NHERF2: variants seen among roughly 807,000 people sequenced by gnomAD.
NHERF2 encodes NHERF family PDZ scaffold protein 2, also known as Na(+)/H(+) exchange regulatory cofactor NHE-RF2.
the NHERF2 span, among the ~76,000 whole-genome samples, chr16:2,031,083 T>C: frequency 6.6e-6 from 1 of 152,174 alleles, no homozygotes; most frequent in Non-Finnish European, 1.5e-5. Flanking sequence ...ACACATTCAC[T>C]TTCTCCCTTT....
the NHERF2 span, among the ~76,000 whole-genome samples, chr16:2,030,813 C>T: frequency 4.0e-5 from 6 of 151,864 alleles, no homozygotes; most frequent in Non-Finnish European, 5.9e-5. Context: ...TGGTGGGGCA[C>T]GCCTATAGTC....
At chr16:2,036,646 A>C in the NHERF2 span, 1 of 1,570,222 alleles carries the variant, frequency 6.4e-7, no homozygotes. Flanking sequence ...GGCTGTGATG[A>C]ATATTTGATG....
At chr16:2,036,303 C>A in the NHERF2 span, 1 of 1,592,584 alleles carries the variant, frequency 6.3e-7, no homozygotes, top group East Asian at 2.3e-5. Flanking sequence ...AAGAGACTGA[C>A]CCTGTCCGTT....
At chr16:2,037,649 C>T in the NHERF2 span, 2 of 1,596,762 alleles carry the variant, frequency 1.3e-6, no homozygotes, top group East Asian at 2.3e-5. Flanking sequence ...TGCTAGAGGC[C>T]TTGGGGTAGG....
the NHERF2 span, among the ~76,000 whole-genome samples, chr16:2,029,282 C>G: frequency 1.3e-5 from 2 of 152,232 alleles, no homozygotes; most frequent in Non-Finnish European, 2.9e-5. Flanking sequence ...ACCCAGCGGC[C>G]CTATCCTGCA....
chr16:2,038,441 G>A, the NHERF2 span: 11 of 323,510 alleles, frequency 3.4e-5, no homozygotes, highest in East Asian at 4.2e-4. Flanking sequence ...CCCTTGGGAC[G>A]CGCTCTAAAT....
chr16:2,027,034 G>A, the NHERF2 span: 8 of 1,308,520 alleles, frequency 6.1e-6, no homozygotes, highest in East Asian at 6.7e-5. Context: ...CTGCGGCCGC[G>A]CCTGTGCCGC....
the NHERF2 span, among the ~76,000 whole-genome samples, chr16:2,031,882 G>A: frequency 6.6e-6 from 1 of 152,136 alleles, no homozygotes; most frequent in South Asian, 2.1e-4. Context: ...AGTAGAGACG[G>A]GGTTTCACCA....
chr16:2,033,538 G>A, the NHERF2 span: 20 of 1,231,604 alleles, frequency 1.6e-5, no homozygotes, highest in East Asian at 7.8e-5. Flanking sequence ...CAGGCTGGTC[G>A]CTGAGCAACA....
At chr16:2,029,822 C>G in the NHERF2 span, 3 of 1,476,076 alleles carry the variant, frequency 2.0e-6, no homozygotes, top group Non-Finnish European at 2.8e-6. Flanking sequence ...CCTAGCCTCT[C>G]CCAGAGGCTC....
At chr16:2,031,126 A>G in the NHERF2 span, among the ~76,000 whole-genome samples, 1 of 152,174 alleles carries the variant, frequency 6.6e-6, no homozygotes, top group African/African-American at 2.4e-5. Flanking sequence ...GGCTGCCCCT[A>G]GGAGCTGAGC....
the NHERF2 span, chr16:2,036,100 G>GCCCGTCGGGGA: frequency 1.9e-6 from 1 of 517,482 alleles, no homozygotes; most frequent in Non-Finnish European, 3.4e-6. Context: ...AGGCGGCTGG[G>GCCCGTCGGGGA]CCCGTCGGGG....
the NHERF2 span, among the ~76,000 whole-genome samples, chr16:2,030,209 A>G: frequency 1.3e-5 from 2 of 152,166 alleles, no homozygotes; most frequent in African/African-American, 2.4e-5. Context: ...CATGCTGGGA[A>G]GGCCTGGGAG....
the NHERF2 span, chr16:2,035,318 G>A: frequency 1.2e-6 from 1 of 811,582 alleles, no homozygotes; most frequent in Non-Finnish European, 1.5e-6. Flanking sequence ...GGTGGCTGGA[G>A]GGGTTGGGGG....
At chr16:2,028,444 G>A in the NHERF2 span, among the ~76,000 whole-genome samples, 1 of 152,224 alleles carries the variant, frequency 6.6e-6, no homozygotes, top group Non-Finnish European at 1.5e-5. Flanking sequence ...CCAAGGCCCT[G>A]TGGGGCTGGT....
chr16:2,026,912 C>A, the NHERF2 span: 2 of 372,826 alleles, frequency 5.4e-6, no homozygotes, highest in Non-Finnish European at 7.4e-6. Context: ...GAACAGGAGC[C>A]GCCGCTGAAG....
At chr16:2,038,740 G>C in the NHERF2 span, 2 of 178,500 alleles carry the variant, frequency 1.1e-5, no homozygotes, top group African/African-American at 4.8e-5. Context: ...GGGGCCTGAG[G>C]ATGGAGGCCC....
At chr16:2,035,996 A>T in the NHERF2 span, 3 of 312,250 alleles carry the variant, frequency 9.6e-6, no homozygotes, top group Admixed American at 9.3e-5. Context: ...CCAGGAGGCC[A>T]ACGGCGACAG....
At chr16:2,027,361 G>C in the NHERF2 span, 1 of 437,224 alleles carries the variant, frequency 2.3e-6, no homozygotes, top group South Asian at 8.5e-5. Flanking sequence ...CGGCGCCTTC[G>C]GAGTCCCGGC....
Sources: gnomAD v4.1 joint callset for allele counts (sites outside exome capture counted in the v4.1 genomes callset) on GRCh38, gnomAD v4.1.1 for gene constraint, MANE v1.5 for transcripts, NCBI Gene and HGNC (gene_info 2026-07-23, HGNC 2026-07-21) for gene names.